The following DENND1C variants were observed in gnomAD, a reference collection of about 807,000 sequenced individuals.
DENND1C encodes DENN domain-containing protein 1C.
Under a neutral mutation model 87.9 loss-of-function variants are expected in DENND1C, and 64 were observed. The ratio of observed to expected loss-of-function variants is 0.73; its 90% CI spans 0.60 to 0.90. The LOEUF (loss-of-function observed/expected upper bound fraction) is 0.90, where lower values mean the gene tolerates loss of function less well. DENND1C is among the 40% of genes least tolerant of loss of function. DENND1C has a pLI of 0.00. For synonymous variants in DENND1C, 384 were observed against 424.4 expected, an observed-to-expected ratio of 0.90 and a Z score of 1.17; for missense variants, 980 against 1,037.0, an observed-to-expected ratio of 0.95 and a Z score of 0.76.
At chr19:6,477,352 G>A (rs746079939) in intron 7 of DENND1C, 26 bp downstream of exon 7, 14 of 1,612,970 alleles carry the variant, frequency 8.7e-6, no homozygotes, top group Admixed American at 1.7e-5. Context: ...CTAAGGTCCA[G>A]CGCCCAGGGA....
At position 6,469,579 on chromosome 19, in the gene DENND1C, C is replaced by T. The variant is rs372763060; in HGVS notation, c.1407+17G>A. On this transcript the variant is annotated intron_variant, in intron 19 of 22. Transcript: ENST00000381480. ...GATTACAGGGGTGAGCCACTGCACC[C>T]GGCCAGTTGATCTTACCTTATACAT... The T allele has an allele frequency of 1.3e-5, 20 of 1,599,254 alleles. No individual in the cohort carries two copies. Among genetic ancestry groups the T allele is most frequent in the African/African-American group, 6.7e-5 (5 of 74,718 alleles).
rs2092886637 is a variant in DENND1C at position 6,479,654 on chromosome 19, C to A, written c.176+15G>T. On this transcript the variant is annotated intron_variant, in intron 4 of 22. Coordinates refer to ENST00000381480, the MANE Select transcript of DENND1C (RefSeq NM_024898.4). Reference sequence around the variant, plus strand: ...CTGAGTCCCTGAGTCCTTGGATCTCCCCGCCCTTCCGTACCTTTCCACATC... The same window carrying A: ...CTGAGTCCCTGAGTCCTTGGATCTCACCGCCCTTCCGTACCTTTCCACATC... 6 of 1,613,766 alleles carry A rather than the reference C, an allele frequency of 3.7e-6. No homozygotes were observed. In the East Asian group the frequency reaches 1.3e-4, roughly 36 times the overall value.
chr19:6,476,702 A>T, intron 10 of DENND1C, 155 bp downstream of exon 10: 1 of 722,958 alleles, frequency 1.4e-6, no homozygotes, highest in Non-Finnish European at 2.2e-6. Context: ...GCGGGGCCAG[A>T]GTTCAACTCT....
At chr19:6,473,301 C>T (rs189098283) in intron 14 of DENND1C, among the ~76,000 whole-genome samples, 118 of 152,098 alleles carry the variant, frequency 7.8e-4, no homozygotes, top group African/African-American at 2.7e-3. Context: ...ACTACAGGCA[C>T]GTGCCACCAT....
At position 6,477,070 on chromosome 19, in the gene DENND1C, T is replaced by C. The variant is rs745522013; in HGVS notation, c.567+4A>G. The C allele has an allele frequency of 6.2e-7, 1 of 1,607,408 alleles. No individual in the cohort carries two copies. The highest frequency in any genetic ancestry group is 8.5e-7 in the Non-Finnish European group (1 of 1,177,118). ...CTCACCCCCAGAGACCCCTCCCCACTCACGTTCTCAGGGATGGATGGCAGG... is the reference window on the plus strand; with the variant it reads ...CTCACCCCCAGAGACCCCTCCCCACCCACGTTCTCAGGGATGGATGGCAGG... On this transcript the variant is annotated splice_donor_region_variant and intron_variant, in intron 9 of 22. Coordinates refer to ENST00000381480, the MANE Select transcript of DENND1C (RefSeq NM_024898.4).
In DENND1C at chr19:6,475,908, C is replaced by T; in HGVS notation, c.708G>A (p.Ala236=). The part of the protein sequence containing the change: ...TLTSCVHASC[A]LLYPMRWEHV... The stretch of plus-strand genomic sequence containing the variant: ...GCTCCCAGCGCATGGGGTACAGGAG[C>T]GCGCAGGACGCGTGGACGCACGAGG... The change falls in exon 11 of 23, where the codon GCG becomes GCA. Residue 236 remains alanine, a synonymous_variant. Transcript: ENST00000381480. 1 of 1,568,622 alleles carries T rather than the reference C, an allele frequency of 6.4e-7. No homozygotes were observed. The highest frequency in any genetic ancestry group is 8.6e-7 in the Non-Finnish European group (1 of 1,165,906).
rs2092882797 is a variant in DENND1C at position 6,479,248 on chromosome 19, AGTCCCTGG to A, written c.177-200_177-193del. On this transcript the variant is annotated intron_variant, in intron 4 of 22. Transcript: ENST00000381480. ...GGGTCCCTGGATCTCTGGGTCCCTGAGTCCCTGGGTCCCTGGATCTCTGGGTTTCTGGA... is the reference window on the plus strand; with the variant it reads ...GGGTCCCTGGATCTCTGGGTCCCTGAGTCCCTGGATCTCTGGGTTTCTGGA... Among the ~76,000 whole-genome samples, 9 of 149,304 alleles carry A rather than the reference AGTCCCTGG, an allele frequency of 6.0e-5. 1 individual carries two copies. In the South Asian group the frequency reaches 1.9e-3, roughly 31 times the overall value.
intron 4 of DENND1C, 43 bp downstream of exon 4, chr19:6,479,626 G>C (rs1160490213): frequency 6.2e-7 from 1 of 1,612,058 alleles, no homozygotes. Flanking sequence ...GCCCCTGAGA[G>C]ATCTGAGTCC....
rs1472413755 is a variant in DENND1C at position 6,478,414 on chromosome 19, T to G, written c.366+369A>C. ...TGTGCCACGACGGCCGGCTAATTTT[T>G]TTTTTTTTTTTTTGTATTTTTAGTA... On this transcript the variant is annotated intron_variant, in intron 6 of 22. Coordinates refer to ENST00000381480, the MANE Select transcript of DENND1C (RefSeq NM_024898.4). Among the ~76,000 whole-genome samples, 301 of 150,828 alleles carry G rather than the reference T, an allele frequency of 2.0e-3. 2 individuals are homozygous for G. The highest frequency in any genetic ancestry group is 6.5e-3 in the African/African-American group (269 of 41,196).
Position 6,481,738 on chromosome 19 carries a change from T to C in DENND1C, c.-43A>G. On this transcript the variant is annotated 5_prime_UTR_variant, in exon 1 of 23. Transcript: ENST00000381480. The stretch of plus-strand genomic sequence containing the variant: ...CCCAGCGGGGCCCTCTCCCCAGGGG[T>C]CCTGGGGGCCTGTGTATGCTGGGCC... 3 of 1,524,538 alleles carry C rather than the reference T, an allele frequency of 2.0e-6. No individual in the cohort carries two copies. The highest frequency in any genetic ancestry group is 1.8e-4 in the Middle Eastern group (1 of 5,648). 94.4% of individuals were successfully genotyped at this position (1,524,538 alleles called of 1,614,324 possible). A position where few individuals can be genotyped will look rare whatever the true frequency, so the allele number is the denominator to read the frequency against.
At chr19:6,475,428 G>A in intron 13 of DENND1C, 29 bp from the exon 14 acceptor site, 2 of 1,612,562 alleles carry the variant, frequency 1.2e-6, no homozygotes, top group Non-Finnish European at 1.7e-6. Flanking sequence ...GCCCTGAGTG[G>A]GCAGGTGTGG....
chr19:6,474,379 C>G (rs756835805), intron 14 of DENND1C, among the ~76,000 whole-genome samples: 1 of 152,018 alleles, frequency 6.6e-6, no homozygotes, highest in Non-Finnish European at 1.5e-5. Flanking sequence ...GTCAGATGCT[C>G]AAGTGATACT....
At chr19:6,471,242 G>T in intron 17 of DENND1C, 23 bp downstream of exon 17, 2 of 1,573,602 alleles carry the variant, frequency 1.3e-6, no homozygotes, top group Non-Finnish European at 1.7e-6. Flanking sequence ...AACGCCCACG[G>T]CCTATTGTTC....
intron 6 of DENND1C, 41 bp from the exon 7 acceptor site, chr19:6,477,499 G>A (rs998724556): frequency 3.8e-6 from 6 of 1,586,818 alleles, no homozygotes; most frequent in Non-Finnish European, 5.2e-6. Flanking sequence ...TGAGCCAGAT[G>A]TGGGGATTGG....
chr19:6,476,196 T>G (rs1599386517), intron 10 of DENND1C: 2 of 480,492 alleles, frequency 4.2e-6, no homozygotes, highest in Non-Finnish European at 7.3e-6. Flanking sequence ...GCAACACCCC[T>G]GAGTCTTCCC....
chr19:6,474,574 C>T (rs76292398), intron 14 of DENND1C, among the ~76,000 whole-genome samples: 2,532 of 152,174 alleles, frequency 0.017, 30 homozygotes, highest in Non-Finnish European at 0.029. Flanking sequence ...GAGATAATAG[C>T]AGTGGTAGGA....
chr19:6,470,532 G>C (rs1022317574), intron 17 of DENND1C, among the ~76,000 whole-genome samples, 166 bp from the exon 18 acceptor site: 1 of 151,212 alleles, frequency 6.6e-6, no homozygotes, highest in Non-Finnish European at 1.5e-5. Context: ...GACTTGCGGA[G>C]TTAAATTAAT....
At chr19:6,478,040 A>G (rs917846129) in intron 6 of DENND1C, among the ~76,000 whole-genome samples, 1 of 151,834 alleles carries the variant, frequency 6.6e-6, no homozygotes, top group South Asian at 2.1e-4. Context: ...GCACCACCGC[A>G]CTCCAGCCTG....
rs1445833610 is a variant in DENND1C at position 6,468,831 on chromosome 19, G to A, written c.1515+15C>T. ...ATAATTCCAGGTGTGTGCATGGGGG[G>A]AGGGGCGCTCTCACCTTTCCAAAGT... On this transcript the variant is annotated intron_variant, in intron 20 of 22. Coordinates refer to ENST00000381480, the MANE Select transcript of DENND1C (RefSeq NM_024898.4). 2.0e-6 allele frequency: 3 copies of A among 1,504,116 alleles called. No homozygotes were observed. The highest frequency in any genetic ancestry group is 2.8e-5 in the African/African-American group (2 of 71,380). The allele number at this position is 1,504,116 out of a possible 1,614,324, so 93.2% of individuals were successfully genotyped here. A position where few individuals can be genotyped will look rare whatever the true frequency, so the allele number is the denominator to read the frequency against.
Sources: allele counts gnomAD v4.1 joint callset (sites outside exome capture counted in the v4.1 genomes callset), GRCh38; gene constraint gnomAD v4.1.1; transcripts MANE v1.5; gene names NCBI Gene and HGNC (gene_info 2026-07-23, HGNC 2026-07-21).